The following ARL6IP1 variants were observed in gnomAD, a reference collection of about 807,000 sequenced individuals.
ARL6IP1 encodes ADP-ribosylation factor-like protein 6-interacting protein 1.
ARL6IP1 carries 16 observed loss-of-function variants against 30.1 expected under a neutral mutation model. The ratio of observed to expected loss-of-function variants is 0.53; its 90% CI spans 0.36 to 0.81. The LOEUF is 0.81. Among genes scored for constraint, ARL6IP1 ranks in the 30% least tolerant of loss-of-function variants. ARL6IP1 has a pLI of 0.01. For missense variants in ARL6IP1, 173 were observed against 242.7 expected, an observed-to-expected ratio of 0.71 and a Z score of 1.91; for synonymous variants, 72 against 84.8, an observed-to-expected ratio of 0.85 and a Z score of 0.83.
At chr16:18,794,874 T>A (rs1337229827) in intron 4 of ARL6IP1, among the ~76,000 whole-genome samples, 191 bp from the exon 5 acceptor site, 1 of 152,252 alleles carries the variant, frequency 6.6e-6, no homozygotes, top group Non-Finnish European at 1.5e-5. Context: ...AGAATTTGGA[T>A]ACATTTCTTC....
In ARL6IP1 at chr16:18,798,733, A is replaced by G; in HGVS notation, c.138T>C (p.Pro46=). Residue 46 remains proline (P), a synonymous_variant, in exon 2 of 6, where the codon CCT becomes CCC. Transcript: ENST00000304414. ...CCAAAGAAACCACACCCATGATGGC[A>G]GGTGGAAACCAGGCTCTTTCCCATC... The part of the protein sequence containing the change: ...VLRWERAWFP[P]AIMGVVSLVF... The G allele has an allele frequency of 6.2e-7, 1 of 1,614,218 alleles. No homozygotes were observed. Among genetic ancestry groups the G allele is most frequent in the Non-Finnish European group, 8.5e-7 (1 of 1,180,042 alleles).
Position 18,794,744 on chromosome 16 carries a change from T to C in ARL6IP1, c.409-61A>G, listed in dbSNP as rs1270726376. 9 of 1,183,176 alleles carry C rather than the reference T, an allele frequency of 7.6e-6. No homozygotes were observed. In the Admixed American group the frequency reaches 8.1e-5, roughly 11 times the overall value. 73.3% of individuals were successfully genotyped at this position (1,183,176 alleles called of 1,614,324 possible). A position where few individuals can be genotyped will look rare whatever the true frequency, so the allele number is the denominator to read the frequency against. ...CATGTGACACCATAAATATATGTAA[T>C]TTTTATTTGTCAATTAAAGAAGAAT... On this transcript the variant is annotated intron_variant, in intron 4 of 5. Coordinates refer to ENST00000304414, the MANE Select transcript of ARL6IP1 (RefSeq NM_015161.3).
At chr16:18,801,107 G>A (rs2030394553) in intron 1 of ARL6IP1, 3 of 1,137,492 alleles carry the variant, frequency 2.6e-6, no homozygotes, top group East Asian at 4.1e-5. Flanking sequence ...CCGCGAAAGC[G>A]CTGGACAGGC....
chr16:18,801,192 C>T, intron 1 of ARL6IP1: 1 of 1,407,904 alleles, frequency 7.1e-7, no homozygotes, highest in Non-Finnish European at 9.2e-7. Flanking sequence ...TCCTCCTCGA[C>T]TCCTACTCGC....
Position 18,795,612 on chromosome 16 carries a change from C to A in ARL6IP1, c.291-31G>T, listed in dbSNP as rs9927655. ...AAAGAAATTTGCCTTTTGCTATAAACAAATCGTTACAGTAGACAAAAACAT... is the reference window on the plus strand; with the variant it reads ...AAAGAAATTTGCCTTTTGCTATAAAAAAATCGTTACAGTAGACAAAAACAT... On this transcript the variant is annotated intron_variant, in intron 3 of 5. Coordinates refer to ENST00000304414, the MANE Select transcript of ARL6IP1 (RefSeq NM_015161.3). The A allele has an allele frequency of 2.5e-4, 376 of 1,487,558 alleles. No individual in the cohort carries two copies. In the African/African-American group the frequency reaches 4.7e-3, roughly 19 times the overall value. The allele number at this position is 1,487,558 out of a possible 1,614,324, so 92.1% of individuals were successfully genotyped here.
chr16:18,791,808 T>A lies in ARL6IP1; in HGVS notation c.*1444A>T, dbSNP rs1404611414. Reference sequence around the variant, plus strand: ...ATCCAGATAGGAAGACAGGCTTATTTACAATGAAAGTAAGGTAAAATTAAC... The same window carrying A: ...ATCCAGATAGGAAGACAGGCTTATTAACAATGAAAGTAAGGTAAAATTAAC... On this transcript the variant is annotated 3_prime_UTR_variant, in exon 6 of 6. Coordinates refer to ENST00000304414, the MANE Select transcript of ARL6IP1 (RefSeq NM_015161.3). 6.6e-6 allele frequency: 1 copy of A among 152,526 alleles called. No homozygotes were observed. The highest frequency in any genetic ancestry group is 2.4e-5 in the African/African-American group (1 of 41,442). The allele number at this position is 152,526 out of a possible 1,614,324, so 9.4% of individuals were successfully genotyped here.
chr16:18,797,818 G>A, intron 3 of ARL6IP1, 107 bp downstream of exon 3: 2 of 1,349,708 alleles, frequency 1.5e-6, no homozygotes, highest in Non-Finnish European at 2.0e-6. Context: ...ATGCTTAGGT[G>A]TCTGATGGTT....
chr16:18,793,424 G>GTTT, intron 5 of ARL6IP1, 54 bp from the exon 6 acceptor site: 1 of 964,690 alleles, frequency 1.0e-6, no homozygotes. Context: ...CCTGCTAAAG[G>GTTT]TTATTACTTT....
rs1461734758 is a variant in ARL6IP1, at chr16:18,793,227, A to G, written c.*25T>C. On this transcript the variant is annotated 3_prime_UTR_variant, in exon 6 of 6. Transcript: ENST00000304414. ...TTCCCGGGGCAATGGGTGCTGCATTAATCACACTGATTAAAGCAGATGAAT... is the reference window on the plus strand; with the variant it reads ...TTCCCGGGGCAATGGGTGCTGCATTGATCACACTGATTAAAGCAGATGAAT... The G allele has an allele frequency of 1.3e-6, 2 of 1,502,652 alleles. No individual in the cohort carries two copies. The highest frequency in any genetic ancestry group is 1.8e-6 in the Non-Finnish European group (2 of 1,083,624). 93.1% of individuals were successfully genotyped at this position (1,502,652 alleles called of 1,614,324 possible). A position where few individuals can be genotyped will look rare whatever the true frequency, so the allele number is the denominator to read the frequency against.
In ARL6IP1 at chr16:18,800,118, G is replaced by A. The variant is rs74798651; in HGVS notation, c.37-1284C>T. 2.4e-3 allele frequency among the ~76,000 whole-genome samples: 360 copies of A among 152,274 alleles called. 10 individuals are homozygous for A. In the East Asian group the frequency reaches 0.054, roughly 23 times the overall value. ...ACGCTCGCTATCTGTGCCACGCTGA[G>A]CACTAGTGTGATCTCAATATTTCTG... is the stretch of plus-strand genomic sequence containing the variant. On this transcript the variant is annotated intron_variant, in intron 1 of 5. Coordinates refer to ENST00000304414, the MANE Select transcript of ARL6IP1 (RefSeq NM_015161.3).
At chr16:18,800,891 T>C (rs1011583163) in intron 1 of ARL6IP1, among the ~76,000 whole-genome samples, 8 of 151,522 alleles carry the variant, frequency 5.3e-5, no homozygotes, top group African/African-American at 1.7e-4. Flanking sequence ...AGACATCCCA[T>C]TGTCTGTTCA....
intron 3 of ARL6IP1, among the ~76,000 whole-genome samples, 160 bp from the exon 4 acceptor site, chr16:18,795,741 C>T (rs964268442): frequency 1.2e-4 from 19 of 152,146 alleles, no homozygotes; most frequent in South Asian, 2.1e-4. Context: ...ACCATTAAGA[C>T]ACCTTTTATA....
At position 18,791,748 on chromosome 16, in the gene ARL6IP1, G is replaced by A. The variant is rs1321385437; in HGVS notation, c.*1504C>T. The A allele has an allele frequency of 6.6e-6, 1 of 152,266 alleles. No individual in the cohort carries two copies. Among genetic ancestry groups the A allele is most frequent in the Non-Finnish European group, 1.5e-5 (1 of 68,022 alleles). The allele number at this position is 152,266 out of a possible 1,614,324, so 9.4% of individuals were successfully genotyped here. A position where few individuals can be genotyped will look rare whatever the true frequency, so the allele number is the denominator to read the frequency against. On this transcript the variant is annotated 3_prime_UTR_variant, in exon 6 of 6. Transcript: ENST00000304414. ...ATAATACAGGATTAAAACTGCAAAA[G>A]TAGTTAATCAGTAGAATATGTATGC...
chr16:18,793,024 T>C lies in ARL6IP1; in HGVS notation c.*228A>G. 2.7e-6 allele frequency: 1 copy of C among 374,152 alleles called. No homozygotes were observed. The highest frequency in any genetic ancestry group is 4.8e-6 in the Non-Finnish European group (1 of 207,972). 23.2% of individuals were successfully genotyped at this position (374,152 alleles called of 1,614,324 possible). A position where few individuals can be genotyped will look rare whatever the true frequency, so the allele number is the denominator to read the frequency against. ...CGCTGGGTAAGAAAAGTCAAAACAC[T>C]AATGAGTTGTCCATGAAGCCAACTG... On this transcript the variant is annotated 3_prime_UTR_variant, in exon 6 of 6. Coordinates refer to ENST00000304414, the MANE Select transcript of ARL6IP1 (RefSeq NM_015161.3).
At chr16:18,793,682 C>T (rs984048303) in intron 5 of ARL6IP1, among the ~76,000 whole-genome samples, 4 of 151,996 alleles carry the variant, frequency 2.6e-5, no homozygotes, top group African/African-American at 9.7e-5. Flanking sequence ...CCGCCTGCTT[C>T]AGCCTCCCAG....
In ARL6IP1 at chr16:18,798,680, G is replaced by A. The variant is rs1051991376; in HGVS notation, c.170+21C>T. ...TTATTAATAAGAAGCACAACCCATA[G>A]TAATCTAATAGCTCACTTACAGAAA... On this transcript the variant is annotated intron_variant, in intron 2 of 5. Transcript: ENST00000304414. 10 of 1,612,096 alleles carry A rather than the reference G, an allele frequency of 6.2e-6. No individual in the cohort carries two copies. The African/African-American group carries it at 8.0e-5, about 13-fold the overall frequency.
chr16:18,798,042 A>C lies in ARL6IP1; in HGVS notation c.173T>G (p.Ile58Ser), dbSNP rs759114561. Residue 58 changes from isoleucine to serine, a missense_variant and splice_region_variant, in exon 3 of 6, where the codon ATT becomes AGT. Transcript: ENST00000304414. Reference sequence around the variant, plus strand: ...AACAGATGGATCTAGATAGTAGATAATCCTGTTAAAAAAATTAATAAAGGT... The same window carrying C: ...AACAGATGGATCTAGATAGTAGATACTCCTGTTAAAAAAATTAATAAAGGT... ...IMGVVSLVFLIIYYLDPSVLS... is the reference protein window; with the variant it reads ...IMGVVSLVFLSIYYLDPSVLS... 1.8e-5 allele frequency: 28 copies of C among 1,582,222 alleles called. No individual in the cohort carries two copies. Among genetic ancestry groups the C allele is most frequent in the Non-Finnish European group, 2.3e-5 (27 of 1,169,458 alleles).
At chr16:18,799,374 G>A (rs2030339437) in intron 1 of ARL6IP1, among the ~76,000 whole-genome samples, 1 of 152,170 alleles carries the variant, frequency 6.6e-6, no homozygotes, top group African/African-American at 2.4e-5. Flanking sequence ...TATACATGAT[G>A]TAACTTAATC....
In ARL6IP1 at chr16:18,801,388, G is replaced by C. The variant is rs773259365; in HGVS notation, c.36+43C>G. The C allele has an allele frequency of 3.1e-6, 5 of 1,609,132 alleles. No individual in the cohort carries two copies. The African/African-American group carries it at 6.7e-5, about 21-fold the overall frequency. On this transcript the variant is annotated intron_variant, in intron 1 of 5. Transcript: ENST00000304414. The stretch of plus-strand genomic sequence containing the variant: ...CGGTGTTTGAGCCCACGGACGTCTG[G>C]AGGCCTCGCTCGGCTCCCGGGGGAC...
Sources: gnomAD v4.1 joint callset for allele counts (sites outside exome capture counted in the v4.1 genomes callset) on GRCh38, gnomAD v4.1.1 for gene constraint, MANE v1.5 for transcripts, NCBI Gene and HGNC (gene_info 2026-07-23, HGNC 2026-07-21) for gene names.